The following FAT3 variants were observed in gnomAD, a reference collection of about 807,000 sequenced individuals.
The protein encoded by FAT3 is FAT atypical cadherin 3.
FAT3 carries 95 observed loss-of-function variants against 310.2 expected under a neutral mutation model. That is an observed-to-expected ratio of 0.31 (90% CI 0.26 to 0.36). The LOEUF (loss-of-function observed/expected upper bound fraction) is 0.36. Among genes scored for constraint, FAT3 ranks in the 10% least tolerant of loss-of-function variants. The pLI, the probability that FAT3 is intolerant of heterozygous loss-of-function variation, is 1.00. For synonymous variants in FAT3, 2,314 were observed against 2,192.9 expected (o/e 1.06, Z -1.54); for missense variants, 5,408 against 5,715.6 (o/e 0.95, Z 1.74).
At chr11:92,711,582 A>T (rs1162649709) in intron 4 of FAT3, among the ~76,000 whole-genome samples, 1 of 152,196 alleles carries the variant, frequency 6.6e-6, no homozygotes, top group Non-Finnish European at 1.5e-5. Context: ...ATCAGCTTGC[A>T]CGCAAATATG....
chr11:92,747,435 C>T (rs1367617561), intron 4 of FAT3, among the ~76,000 whole-genome samples: 1 of 152,184 alleles, frequency 6.6e-6, no homozygotes, highest in Admixed American at 6.5e-5. Context: ...TGGGCCCAGC[C>T]CACAAAACCA....
At chr11:92,311,529 G>T (rs1055582230) in intron 1 of FAT3, among the ~76,000 whole-genome samples, 2 of 152,164 alleles carry the variant, frequency 1.3e-5, no homozygotes, top group Non-Finnish European at 2.9e-5. Context: ...GCTCCAAAGA[G>T]CATGTGGGAA....
intron 13 of FAT3, among the ~76,000 whole-genome samples, chr11:92,820,263 A>G (rs1227126422): frequency 6.6e-6 from 1 of 152,132 alleles, no homozygotes; most frequent in African/African-American, 2.4e-5. Context: ...CTTGGTTTGT[A>G]GACAGCTCCT....
At chr11:92,830,953 A>G (rs1419344439) in intron 13 of FAT3, among the ~76,000 whole-genome samples, 3 of 152,108 alleles carry the variant, frequency 2.0e-5, no homozygotes, top group Admixed American at 6.6e-5. Flanking sequence ...TTCCGACACC[A>G]TCTGCCTTGT....
At chr11:92,296,845 C>T (rs1424552498) in intron 1 of FAT3, among the ~76,000 whole-genome samples, 1 of 152,000 alleles carries the variant, frequency 6.6e-6, no homozygotes, top group Admixed American at 6.6e-5. Flanking sequence ...GGCTCAGAAC[C>T]TAGACAAGAG....
chr11:92,857,265 G>A lies in FAT3; in HGVS notation c.11417G>A (p.Gly3806Glu). The A allele has an allele frequency of 6.2e-7, 1 of 1,613,996 alleles. No homozygotes were observed. The highest frequency in any genetic ancestry group is 8.5e-7 in the Non-Finnish European group (1 of 1,179,894). ...CCTTGTGTGGAGAAGCCGTGTCCAG[G>A]GGACATGCAGTGTGTCAGTTATGAA... ...NDPCVEKPCP[G>E]DMQCVSYEAS... The change falls in exon 20 of 28, where the codon GGG becomes GAG. Residue 3806 changes from glycine (G) to glutamate (E), a missense_variant. Around this residue, in one of 5 missense-constraint regions of FAT3, gnomAD observed 4,588 missense variants for 4,809.8 expected, o/e 0.95. Transcript: ENST00000525166.
chr11:92,715,614 C>T (rs1349664923), intron 4 of FAT3, among the ~76,000 whole-genome samples: 2 of 151,690 alleles, frequency 1.3e-5, no homozygotes, highest in African/African-American at 2.4e-5. Context: ...CATAATTATA[C>T]CCAAAGTTAC....
chr11:92,796,351 G>A (rs191886957), intron 9 of FAT3, among the ~76,000 whole-genome samples: 85 of 152,268 alleles, frequency 5.6e-4, no homozygotes, highest in Non-Finnish European at 3.8e-4. Flanking sequence ...ATTTGGGGGG[G>A]CTGGAATCAA....
intron 2 of FAT3, among the ~76,000 whole-genome samples, chr11:92,434,237 T>C (rs1291486819): frequency 2.0e-5 from 3 of 152,100 alleles, no homozygotes; most frequent in Admixed American, 6.6e-5. Flanking sequence ...ATGTTCCTCA[T>C]TGACAGTGAC....
At chr11:92,793,721 T>C (rs188777987) in intron 9 of FAT3, among the ~76,000 whole-genome samples, 1 of 152,324 alleles carries the variant, frequency 6.6e-6, no homozygotes, top group East Asian at 1.9e-4. Context: ...TTCCATCTTT[T>C]TTGAATATTC....
At chr11:92,750,137 G>T (rs1945790422) in intron 4 of FAT3, among the ~76,000 whole-genome samples, 1 of 152,132 alleles carries the variant, frequency 6.6e-6, no homozygotes, top group South Asian at 2.1e-4. Context: ...TAGTTTAAAA[G>T]ACTTCATCTT....
chr11:92,244,317 A>G (rs1470262856), intron 1 of FAT3, among the ~76,000 whole-genome samples: 1 of 152,102 alleles, frequency 6.6e-6, no homozygotes, highest in Non-Finnish European at 1.5e-5. Context: ...TGAGTACATA[A>G]AAATCCGGAC....
At chr11:92,847,226 C>T (rs542254668) in intron 19 of FAT3, among the ~76,000 whole-genome samples, 1 of 152,086 alleles carries the variant, frequency 6.6e-6, no homozygotes, top group Non-Finnish European at 1.5e-5. Context: ...ATTATAATAC[C>T]ATATTTTTAT....
At chr11:92,375,185 G>A (rs1565268710) in intron 2 of FAT3, among the ~76,000 whole-genome samples, 1 of 152,120 alleles carries the variant, frequency 6.6e-6, no homozygotes, top group Non-Finnish European at 1.5e-5. Flanking sequence ...GCAGGCTGGA[G>A]TGCAGTTGTG....
intron 3 of FAT3, among the ~76,000 whole-genome samples, chr11:92,548,388 G>A (rs1954687617): frequency 6.6e-6 from 1 of 152,180 alleles, no homozygotes; most frequent in African/African-American, 2.4e-5. Context: ...AGGCACAGTT[G>A]TTTGCTTAAG....
chr11:92,397,716 C>A (rs1196886394), intron 2 of FAT3, among the ~76,000 whole-genome samples: 1 of 151,980 alleles, frequency 6.6e-6, no homozygotes, highest in Non-Finnish European at 1.5e-5. Context: ...TGCCTTCCAT[C>A]CCCCGCTTGC....
intron 4 of FAT3, among the ~76,000 whole-genome samples, chr11:92,756,862 C>T (rs955266190): frequency 6.6e-6 from 1 of 150,482 alleles, no homozygotes; most frequent in Admixed American, 6.6e-5. Context: ...TTGTAATTGT[C>T]CTGCCTCCTG....
intron 2 of FAT3, among the ~76,000 whole-genome samples, chr11:92,413,422 A>G (rs540783353): frequency 6.6e-6 from 1 of 152,288 alleles, no homozygotes; most frequent in South Asian, 2.1e-4. Context: ...GTACCTTTTA[A>G]TCATCATGAT....
rs199667077 is a variant in FAT3, at chr11:92,353,098, G to A, written c.986G>A (p.Arg329Lys). The change falls in exon 2 of 28, where the codon AGG becomes AAG. Residue 329 changes from arginine to lysine, a missense_variant. Physicochemically the swap from Arg to Lys is conservative, Grantham distance 26 (BLOSUM62 2). Around this residue, in one of 5 missense-constraint regions of FAT3, gnomAD observed 4,588 missense variants for 4,809.8 expected, o/e 0.95. Coordinates refer to ENST00000525166, the MANE Select transcript of FAT3 (RefSeq NM_001367949.2). The part of the protein sequence containing the change: ...KWLNEYKIKE[R>K]KQIDWESFPY... ...TTGAATGAGTACAAGATTAAGGAGA[G>A]GAAGCAGATTGACTGGGAGAGCTTT... 2.5e-6 allele frequency: 4 copies of A among 1,613,674 alleles called. No individual in the cohort carries two copies. The highest frequency in any genetic ancestry group is 1.7e-6 in the Non-Finnish European group (2 of 1,179,868).
Sources: gnomAD v4.1 joint callset for allele counts (sites outside exome capture counted in the v4.1 genomes callset) on GRCh38, gnomAD v4.1.1 for gene constraint, gnomAD v4.1.1 regional missense constraint, MANE v1.5 for transcripts, NCBI Gene and HGNC (gene_info 2026-07-23, HGNC 2026-07-21) for gene names.